KANK1: variants seen among roughly 807,000 people sequenced by gnomAD.
KANK1 encodes the protein KN motif and ankyrin repeat domains 1.
In KANK1, 109 loss-of-function variants were observed where a neutral mutation model predicts 106.2. That is an observed-to-expected ratio of 1.03 (90% CI 0.88 to 1.20). The LOEUF (loss-of-function observed/expected upper bound fraction) is 1.20. Ranked by LOEUF, KANK1 falls within the 50% of genes most tolerant of loss-of-function variation. KANK1 has a pLI of 0.00. For missense variants in KANK1, 2,399 were observed against 1,710.7 expected, an observed-to-expected ratio of 1.40 and a Z score of -7.10; for synonymous variants, 873 against 652.2, an observed-to-expected ratio of 1.34 and a Z score of -5.16.
chr9:743,251 G>A (rs1416793527), intron 10 of KANK1, among the ~76,000 whole-genome samples: 1 of 152,190 alleles, frequency 6.6e-6, no homozygotes, highest in Non-Finnish European at 1.5e-5. Flanking sequence ...TTGTAGGTCA[G>A]ATTCTTCTGG....
At chr9:678,638 A>G (rs1354483868) in intron 2 of KANK1, among the ~76,000 whole-genome samples, 3 of 152,134 alleles carry the variant, frequency 2.0e-5, no homozygotes, top group Non-Finnish European at 4.4e-5. Flanking sequence ...TAAGACAGGA[A>G]TGGCTGGAAC....
intron 1 of KANK1, among the ~76,000 whole-genome samples, chr9:578,978 T>G (rs933740960): frequency 6.6e-6 from 1 of 152,208 alleles, no homozygotes; most frequent in African/African-American, 2.4e-5. Context: ...TTAATAAATG[T>G]CTGCAGCTGA....
intron 1 of KANK1, among the ~76,000 whole-genome samples, chr9:580,851 G>A (rs559477031): frequency 2.1e-4 from 32 of 152,326 alleles, no homozygotes; most frequent in African/African-American, 5.8e-4. Context: ...CTTGGGCTGC[G>A]CTGGAGCCCA....
chr9:479,197 G>T (rs556224714), intron 3 of KANK1, among the ~76,000 whole-genome samples: 2 of 152,252 alleles, frequency 1.3e-5, no homozygotes, highest in African/African-American at 4.8e-5. Flanking sequence ...TTTCCATGCT[G>T]CTGTGTGTTC....
At position 498,410 on chromosome 9, in the gene KANK1, A is replaced by G. The variant is rs111799777; in HGVS notation, c.-362+25137A>G. ...ATTCTGAGACAATGGACACAAGACA[A>G]ATTAGATTTGATGAGAAAGGAGGGA... On this transcript the variant is annotated intron_variant, in intron 3 of 15. Coordinates refer to the KANK1 transcript ENST00000382303. Among the ~76,000 whole-genome samples, 472 of 152,280 alleles carry G rather than the reference A, an allele frequency of 3.1e-3. 3 individuals carry two copies. The highest frequency in any genetic ancestry group is 0.011 in the African/African-American group (455 of 41,546).
At chr9:471,514 C>G (rs1314693212) in intron 2 of KANK1, 2 of 152,240 alleles carry the variant, frequency 1.3e-5, no homozygotes, top group African/African-American at 2.4e-5. Flanking sequence ...CTGTCATCTT[C>G]CTTGGAGCAG....
chr9:483,257 T>C (rs961886676), intron 3 of KANK1, among the ~76,000 whole-genome samples: 6 of 152,086 alleles, frequency 3.9e-5, no homozygotes, highest in African/African-American at 1.4e-4. Flanking sequence ...ATACCCCCTG[T>C]GGATTAGAGG....
At chr9:633,742 TC>T in intron 1 of KANK1, among the ~76,000 whole-genome samples, 1 of 152,186 alleles carries the variant, frequency 6.6e-6, no homozygotes, top group Non-Finnish European at 1.5e-5. Context: ...AGCCCTGAAC[TC>T]CTAGACTCAA....
intron 6 of KANK1, chr9:733,532 T>G (rs935905925): frequency 6.6e-6 from 1 of 152,204 alleles, no homozygotes; most frequent in Non-Finnish European, 1.5e-5. Context: ...GATGGATATA[T>G]GGTAATTTGT....
intron 1 of KANK1, among the ~76,000 whole-genome samples, chr9:646,693 C>G (rs1588540814): frequency 7.2e-6 from 1 of 138,716 alleles, no homozygotes; most frequent in Non-Finnish European, 1.6e-5. Flanking sequence ...TTTTAAGTAT[C>G]TTTTTTTTTT....
At chr9:598,615 G>GTTTTTTTTTTTTTTTTTGTTT (rs1306483082) in intron 1 of KANK1, among the ~76,000 whole-genome samples, 1 of 73,334 alleles carries the variant, frequency 1.4e-5, no homozygotes, top group East Asian at 4.3e-4. Context: ...TGTTTTGTTG[G>GTTTTTTTTTTTTTTTTTGTTT]TTTTCTTTTT....
At chr9:474,104 C>T (rs564898264) in intron 3 of KANK1, among the ~76,000 whole-genome samples, 10 of 152,332 alleles carry the variant, frequency 6.6e-5, no homozygotes, top group African/African-American at 2.4e-4. Context: ...ATTGGCTTTA[C>T]TTGTCTTTAC....
intron 2 of KANK1, among the ~76,000 whole-genome samples, chr9:702,906 C>T (rs1823039306): frequency 6.6e-6 from 1 of 152,120 alleles, no homozygotes; most frequent in African/African-American, 2.4e-5. Flanking sequence ...ACTCATCTCT[C>T]GTTAACTCGG....
intron 1 of KANK1, among the ~76,000 whole-genome samples, chr9:606,169 ACACAC>A (rs1563847344): frequency 1.3e-5 from 2 of 151,054 alleles, no homozygotes; most frequent in African/African-American, 4.9e-5. Context: ...ACACACACAC[ACACAC>A]ACACACACCA....
chr9:719,224 C>A (rs1221255684), intron 3 of KANK1, among the ~76,000 whole-genome samples: 1 of 152,158 alleles, frequency 6.6e-6, no homozygotes, highest in Non-Finnish European at 1.5e-5. Flanking sequence ...ACCTCGGCCT[C>A]CCAAAGTGCT....
chr9:575,416 C>G (rs1465003118), intron 1 of KANK1, among the ~76,000 whole-genome samples: 1 of 151,594 alleles, frequency 6.6e-6, no homozygotes, highest in African/African-American at 2.4e-5. Context: ...GCCTGTAATT[C>G]CAGCACTTTG....
intron 3 of KANK1, among the ~76,000 whole-genome samples, chr9:494,653 G>A (rs1473314884): frequency 6.6e-6 from 1 of 152,210 alleles, no homozygotes; most frequent in Admixed American, 6.5e-5. Context: ...CACGTGACAA[G>A]CCTTTTGCCA....
rs775551364 is a variant in KANK1, at chr9:738,504, G to A, written c.3553G>A (p.Asp1185Asn). The A allele has an allele frequency of 1.4e-5, 23 of 1,611,638 alleles. No individual in the cohort carries two copies. Among genetic ancestry groups the A allele is most frequent in the South Asian group, 2.2e-5 (2 of 91,014 alleles). The change falls in exon 8 of 12, where the codon GAT becomes AAT. Residue 1185 changes from aspartate (D) to asparagine (N), a missense_variant and splice_region_variant. Asp to Asn is a conservative substitution (Grantham distance 23). Transcript: ENST00000382297. The stretch of plus-strand genomic sequence containing the variant: ...GATTGTGAAGCTGCTGTTAGATGCC[G>A]GTATGTTGGCTGCCCTTCCACCCTC... ...FEIVKLLLDA[D>N]VCNVDHQNKA...
chr9:483,211 A>G (rs886294052), intron 3 of KANK1, among the ~76,000 whole-genome samples: 3 of 152,148 alleles, frequency 2.0e-5, no homozygotes, highest in East Asian at 1.9e-4. Flanking sequence ...GTTCAGTACA[A>G]TCCATGGTTT....
Sources: gnomAD v4.1 joint callset for allele counts (sites outside exome capture counted in the v4.1 genomes callset) on GRCh38, gnomAD v4.1.1 for gene constraint, MANE v1.5 for transcripts, NCBI Gene and HGNC (gene_info 2026-07-23, HGNC 2026-07-21) for gene names.